BRINP1: variants seen among roughly 807,000 people sequenced by gnomAD.
BRINP1 encodes the protein BMP/retinoic acid inducible neural specific 1.
In BRINP1, 17 loss-of-function variants were observed where a neutral mutation model predicts 72.9. The observed-to-expected ratio is 0.23, with a 90% CI of 0.16 to 0.35. BRINP1 has a LOEUF of 0.35. Ranked by LOEUF, BRINP1 falls within the 10% of genes least tolerant of loss-of-function variation. The pLI is 1.00. For synonymous variants in BRINP1, 418 were observed against 378.5 expected, an observed-to-expected ratio of 1.10 and a Z score of -1.21; for missense variants, 850 against 1,001.6, an observed-to-expected ratio of 0.85 and a Z score of 2.04.
intron 2 of BRINP1, among the ~76,000 whole-genome samples, chr9:119,265,603 C>T (rs1228875489): frequency 1.3e-5 from 2 of 151,814 alleles, no homozygotes; most frequent in African/African-American, 4.8e-5. Context: ...TCTCAATTAC[C>T]AAAACAAACA....
chr9:119,168,859 C>T (rs966677867), intron 7 of BRINP1, among the ~76,000 whole-genome samples: 7 of 152,030 alleles, frequency 4.6e-5, no homozygotes, highest in African/African-American at 1.7e-4. Context: ...TGTGGAGAAA[C>T]AGGAACACTT....
chr9:119,175,339 G>C lies in BRINP1; in HGVS notation c.1146-7115C>G, dbSNP rs929246211. Among the ~76,000 whole-genome samples, 6 of 152,112 alleles carry C rather than the reference G, an allele frequency of 3.9e-5. No individual in the cohort carries two copies. The East Asian group carries it at 9.7e-4, about 25-fold the overall frequency. On this transcript the variant is annotated intron_variant, in intron 7 of 7. Transcript: ENST00000265922. The stretch of plus-strand genomic sequence containing the variant: ...TGAACAATGAGAACACATGGACACA[G>C]GGAGGGGAACACTACACACTGGGGT...
intron 1 of BRINP1, among the ~76,000 whole-genome samples, chr9:119,324,913 A>G (rs994926732): frequency 2.6e-5 from 4 of 152,150 alleles, no homozygotes; most frequent in Non-Finnish European, 5.9e-5. Context: ...CAGCCTGACC[A>G]ACATGGAGAA....
chr9:119,250,773 A>G (rs1830379480), intron 2 of BRINP1, among the ~76,000 whole-genome samples: 1 of 152,136 alleles, frequency 6.6e-6, no homozygotes, highest in African/African-American at 2.4e-5. Context: ...CCCCAGAATG[A>G]CCAGCTCTCC....
At chr9:119,273,317 A>G (rs992771717) in intron 2 of BRINP1, among the ~76,000 whole-genome samples, 12 of 152,180 alleles carry the variant, frequency 7.9e-5, no homozygotes, top group Admixed American at 2.0e-4. Flanking sequence ...TACATACTAT[A>G]ATTTTTGGAA....
chr9:119,240,114 CA>C (rs1350560618), intron 4 of BRINP1, among the ~76,000 whole-genome samples: 2 of 151,948 alleles, frequency 1.3e-5, no homozygotes, highest in African/African-American at 4.8e-5. Flanking sequence ...ACTAAAAATA[CA>C]AAAATTAGCT....
In BRINP1 at chr9:119,313,286, G is replaced by A; in HGVS notation, c.70C>T (p.His24Tyr). The A allele has an allele frequency of 6.2e-7, 1 of 1,614,140 alleles. No homozygotes were observed. The highest frequency in any genetic ancestry group is 8.5e-7 in the Non-Finnish European group (1 of 1,180,042). The change falls in exon 2 of 8, where the codon CAC becomes TAC. Residue 24 changes from histidine to tyrosine, a missense_variant. His to Tyr is a moderately conservative substitution (Grantham distance 83). Transcript: ENST00000265922. Reference protein sequence around the residue: ...IWGRISVQPSHQEPAGTDQHV... With the variant: ...IWGRISVQPSYQEPAGTDQHV... ...TGGTCTGTCCCAGCTGGTTCCTGGT[G>A]GGAGGGCTGCACTGAGATACGGCCC...
chr9:119,316,254 T>G (rs550788300), intron 1 of BRINP1, among the ~76,000 whole-genome samples: 67 of 152,240 alleles, frequency 4.4e-4, no homozygotes, highest in African/African-American at 1.5e-3. Context: ...GCCCATCTCA[T>G]TTTTTGTATA....
At chr9:119,310,262 TCTC>T in intron 2 of BRINP1, among the ~76,000 whole-genome samples, 1 of 152,120 alleles carries the variant, frequency 6.6e-6, no homozygotes, top group South Asian at 2.1e-4. Context: ...GGTCAAAAGT[TCTC>T]CCACTGCACC....
chr9:119,291,075 A>G (rs1366453566), intron 2 of BRINP1, among the ~76,000 whole-genome samples: 1 of 151,066 alleles, frequency 6.6e-6, no homozygotes, highest in African/African-American at 2.4e-5. Flanking sequence ...GTGAGCCGAG[A>G]TCGCGCCACT....
At position 119,167,423 on chromosome 9, in the gene BRINP1, G is replaced by A. The variant is rs1829329358; in HGVS notation, c.1947C>T (p.Tyr649=). The change falls in exon 8 of 8, where the codon TAC becomes TAT. Residue 649 remains tyrosine (Y), a synonymous_variant. Transcript: ENST00000265922. The surrounding 1 kb of genome is among the most constrained non-coding windows in gnomAD (Gnocchi z 4.3). The stretch of plus-strand genomic sequence containing the variant: ...ACACCTGCACGTCTGAGATCTTGAT[G>A]TAGAACTGCCTCTTGGAGGGATCCG... ...DLSDPSKRQF[Y]IKISDVQVFG... The A allele has an allele frequency of 6.2e-7, 1 of 1,614,062 alleles. No homozygotes were observed. Among genetic ancestry groups the A allele is most frequent in the Non-Finnish European group, 8.5e-7 (1 of 1,179,980 alleles).
At chr9:119,182,079 G>T (rs1829563827) in intron 7 of BRINP1, among the ~76,000 whole-genome samples, 1 of 152,168 alleles carries the variant, frequency 6.6e-6, no homozygotes, top group Non-Finnish European at 1.5e-5. Flanking sequence ...GAGTGGGAAA[G>T]AATTCAACAA....
chr9:119,338,351 C>T (rs1831370274), intron 1 of BRINP1, among the ~76,000 whole-genome samples: 1 of 149,638 alleles, frequency 6.7e-6, no homozygotes, highest in African/African-American at 2.5e-5. Context: ...AGGCACTGTA[C>T]TAGATGCTGT....
intron 1 of BRINP1, among the ~76,000 whole-genome samples, chr9:119,358,897 C>G (rs1267041264): frequency 6.6e-6 from 1 of 152,176 alleles, no homozygotes; most frequent in African/African-American, 2.4e-5. Context: ...TCACTCTCTC[C>G]TCTAATCACT....
intron 2 of BRINP1, among the ~76,000 whole-genome samples, chr9:119,254,167 T>C (rs1196829070): frequency 6.6e-6 from 1 of 152,184 alleles, no homozygotes; most frequent in Non-Finnish European, 1.5e-5. Flanking sequence ...GTAAACAAAA[T>C]TAATGAAAGT....
At chr9:119,188,354 T>TA (rs754473958) in intron 7 of BRINP1, among the ~76,000 whole-genome samples, 2 of 151,248 alleles carry the variant, frequency 1.3e-5, no homozygotes, top group East Asian at 3.9e-4. Flanking sequence ...AAAGAAAAAA[T>TA]AAAAAAAACT....
At chr9:119,222,802 A>T (rs1234642354) in intron 5 of BRINP1, among the ~76,000 whole-genome samples, 2 of 152,172 alleles carry the variant, frequency 1.3e-5, no homozygotes, top group Non-Finnish European at 2.9e-5. Context: ...TTAATTTATG[A>T]AATCACCAAG....
intron 1 of BRINP1, among the ~76,000 whole-genome samples, chr9:119,317,084 C>T (rs139727034): frequency 4.0e-5 from 6 of 149,144 alleles, no homozygotes; most frequent in Admixed American, 3.9e-4. Flanking sequence ...AGTGACATTC[C>T]ATCTCAAAAA....
intron 5 of BRINP1, among the ~76,000 whole-genome samples, chr9:119,230,968 G>A (rs1418355645): frequency 4.6e-5 from 7 of 151,872 alleles, no homozygotes; most frequent in Admixed American, 3.3e-4. Flanking sequence ...TTGGAAATTG[G>A]GAATAAGCTA....
Sources: gnomAD v4.1 joint callset for allele counts (sites outside exome capture counted in the v4.1 genomes callset) on GRCh38, gnomAD v4.1.1 for gene constraint, Gnocchi (gnomAD v3.1) non-coding constraint, MANE v1.5 for transcripts, NCBI Gene and HGNC (gene_info 2026-07-23, HGNC 2026-07-21) for gene names.